The following IMPDH1 variants were observed in gnomAD, a reference collection of about 807,000 sequenced individuals.
IMPDH1 encodes the protein inosine monophosphate dehydrogenase 1, also known as inosine-5'-monophosphate dehydrogenase 1.
Under a neutral mutation model 73.5 loss-of-function variants are expected in IMPDH1, and 41 were observed. That is an observed-to-expected ratio of 0.56 (90% CI 0.43 to 0.72). The LOEUF is 0.72. Ranked by LOEUF, IMPDH1 falls within the 30% of genes least tolerant of loss-of-function variation. The pLI is 0.00. For missense variants in IMPDH1, 645 were observed against 824.8 expected (o/e 0.78, Z 2.67); for synonymous variants, 318 against 334.3 (o/e 0.95, Z 0.53).
chr7:128,407,029 C>A (rs1798821988), intron 3 of IMPDH1, among the ~76,000 whole-genome samples: 1 of 152,152 alleles, frequency 6.6e-6, no homozygotes, highest in Non-Finnish European at 1.5e-5. Context: ...GGAAGTAGAT[C>A]CCCTTCCCTC....
Position 128,396,764 on chromosome 7 carries a change from G to C in IMPDH1, c.1166-69C>G. On this transcript the variant is annotated intron_variant, in intron 11 of 16. Coordinates refer to ENST00000338791, the MANE Select transcript of IMPDH1 (RefSeq NM_000883.4). This position sits in a 1 kb window ranked among gnomAD's most constrained non-coding sequence, Gnocchi z 4.0. ...GCCCCTGCCTGCCCAACAGCCTCTT[G>C]GGACCCCAGTCTAGCACCCCCCAAC... is the stretch of plus-strand genomic sequence containing the variant. The C allele has an allele frequency of 7.2e-7, 1 of 1,387,296 alleles. No homozygotes were observed. Among genetic ancestry groups the C allele is most frequent in the Non-Finnish European group, 1.0e-6 (1 of 998,658 alleles). The allele number at this position is 1,387,296 out of a possible 1,614,324, so 85.9% of individuals were successfully genotyped here. A position where few individuals can be genotyped will look rare whatever the true frequency, so the allele number is the denominator to read the frequency against.
chr7:128,405,592 C>A (rs1798664846), intron 4 of IMPDH1, among the ~76,000 whole-genome samples, 175 bp downstream of exon 4: 1 of 152,158 alleles, frequency 6.6e-6, no homozygotes, highest in African/African-American at 2.4e-5. Context: ...TGTCGCCGTG[C>A]CACGTCCGTC....
rs1797797784 is a variant in IMPDH1, at chr7:128,394,836, G to T, written c.1550+53C>A. Reference sequence around the variant, plus strand: ...CTGGGGAAGTCGGTGGCATGAGCGGGCCCTGAAGGGTTGTGGGCTGATCTG... The same window carrying T: ...CTGGGGAAGTCGGTGGCATGAGCGGTCCCTGAAGGGTTGTGGGCTGATCTG... On this transcript the variant is annotated intron_variant, in intron 14 of 16. Coordinates refer to ENST00000338791, the MANE Select transcript of IMPDH1 (RefSeq NM_000883.4). The surrounding 1 kb of genome is among the most constrained non-coding windows in gnomAD (Gnocchi z 5.5). The T allele has an allele frequency of 4.4e-6, 7 of 1,602,328 alleles. No individual in the cohort carries two copies. The Middle Eastern group carries it at 1.1e-3, about 256-fold the overall frequency.
At position 128,398,704 on chromosome 7, in the gene IMPDH1, CCA is replaced by C. The variant is rs1491241112; in HGVS notation, c.875-93_875-92del. 2.9e-6 allele frequency: 3 copies of C among 1,035,302 alleles called. No homozygotes were observed. The highest frequency in any genetic ancestry group is 2.4e-5 in the East Asian group (1 of 41,480). The allele number at this position is 1,035,302 out of a possible 1,614,324, so 64.1% of individuals were successfully genotyped here. ...AGGGTGAAGATGAAAGTGGACCACT[CCA>C]GAGATTCCACTGAAGTACCCCAGTC... On this transcript the variant is annotated intron_variant, in intron 9 of 16. Coordinates refer to ENST00000338791, the MANE Select transcript of IMPDH1 (RefSeq NM_000883.4). This position sits in a 1 kb window ranked among gnomAD's most constrained non-coding sequence, Gnocchi z 4.3.
chr7:128,394,960 G>A lies in IMPDH1; in HGVS notation c.1479C>T (p.Leu493=), dbSNP rs1797808118. The change falls in exon 14 of 17, where the codon CTC becomes CTT. Residue 493 remains leucine (L), a synonymous_variant. Transcript: ENST00000338791. This position sits in a 1 kb window ranked among gnomAD's most constrained non-coding sequence, Gnocchi z 5.5. ...GTGAGCCCATGCCCCGGTACTTCTT[G>A]AGCCGCACCCCGTCTGAGAAGAAGT... The part of the protein sequence containing the change: ...GEYFFSDGVR[L]KKYRGMGSLD... 1.1e-5 allele frequency: 18 copies of A among 1,613,834 alleles called. No homozygotes were observed. The highest frequency in any genetic ancestry group is 2.2e-5 in the East Asian group (1 of 44,868).
intron 3 of IMPDH1, among the ~76,000 whole-genome samples, chr7:128,408,617 T>C (rs1269226610): frequency 6.6e-6 from 1 of 152,052 alleles, no homozygotes; most frequent in Non-Finnish European, 1.5e-5. Flanking sequence ...GATGCAGAAG[T>C]GCAATCTGGA....
At chr7:128,406,285 A>G (rs113040909) in intron 3 of IMPDH1, among the ~76,000 whole-genome samples, 1 of 28,688 alleles carries the variant, frequency 3.5e-5, no homozygotes, top group African/African-American at 1.4e-4. Context: ...CAGAGGCCCC[A>G]CCCCCCCACA....
chr7:128,400,923 G>T, intron 6 of IMPDH1, 32 bp from the exon 7 acceptor site: 1 of 1,608,190 alleles, frequency 6.2e-7, no homozygotes, highest in Non-Finnish European at 8.5e-7. Context: ...GTCAGAGCCG[G>T]GGCCCATTCC....
intron 6 of IMPDH1, 31 bp from the exon 7 acceptor site, chr7:128,400,922 G>A (rs375609700): frequency 3.5e-5 from 56 of 1,607,294 alleles, no homozygotes; most frequent in Admixed American, 5.0e-5. Context: ...GGTCAGAGCC[G>A]GGGCCCATTC....
chr7:128,396,789 C>T lies in IMPDH1; in HGVS notation c.1166-94G>A. 8.1e-7 allele frequency: 1 copy of T among 1,241,432 alleles called. No individual in the cohort carries two copies. The highest frequency in any genetic ancestry group is 1.2e-6 in the Non-Finnish European group (1 of 867,914). 76.9% of individuals were successfully genotyped at this position (1,241,432 alleles called of 1,614,324 possible). On this transcript the variant is annotated intron_variant, in intron 11 of 16. Coordinates refer to ENST00000338791, the MANE Select transcript of IMPDH1 (RefSeq NM_000883.4). This position sits in a 1 kb window ranked among gnomAD's most constrained non-coding sequence, Gnocchi z 4.0. Reference sequence around the variant, plus strand: ...GGGACCCCAGTCTAGCACCCCCCAACCCCCCTACAGTGACCAAAGCCCATC... The same window carrying T: ...GGGACCCCAGTCTAGCACCCCCCAATCCCCCTACAGTGACCAAAGCCCATC...
In IMPDH1 at chr7:128,398,598, A is replaced by G. The variant is rs772285063; in HGVS notation, c.890T>C (p.Val297Ala). ...GGCCACCAGCTCATCGCAATCATTGACGATAGGCAGCTTCCCTGACAAGGA... is the reference window on the plus strand; with the variant it reads ...GGCCACCAGCTCATCGCAATCATTGGCGATAGGCAGCTTCCCTGACAAGGA... ...QRSKKGKLPI[V>A]NDCDELVAII... Residue 297 changes from valine (V) to alanine (A), a missense_variant, in exon 10 of 17, where the codon GTC becomes GCC. By Grantham distance (64) the Val-to-Ala change is moderately conservative (BLOSUM62 0). Around this residue, in one of 2 missense-constraint regions of IMPDH1, gnomAD observed 459 missense variants for 638.2 expected, o/e 0.72. Transcript: ENST00000338791. The surrounding 1 kb of genome is among the most constrained non-coding windows in gnomAD (Gnocchi z 4.3). The G allele has an allele frequency of 6.2e-7, 1 of 1,612,798 alleles. No homozygotes were observed. Among genetic ancestry groups the G allele is most frequent in the Admixed American group, 1.7e-5 (1 of 59,994 alleles).
At chr7:128,395,356 T>C in intron 12 of IMPDH1, 82 bp from the exon 13 acceptor site, 1 of 1,492,152 alleles carries the variant, frequency 6.7e-7, no homozygotes, top group Non-Finnish European at 9.3e-7. Flanking sequence ...CAGCTCTTCC[T>C]CCTGTGCACT....
intron 3 of IMPDH1, among the ~76,000 whole-genome samples, chr7:128,407,600 G>T (rs1798863573): frequency 6.6e-6 from 1 of 152,190 alleles, no homozygotes; most frequent in Non-Finnish European, 1.5e-5. Context: ...GGCCACAGAA[G>T]AACAGAGCTA....
At position 128,394,773 on chromosome 7, in the gene IMPDH1, TCA is replaced by T. The variant is rs753245387; in HGVS notation, c.1550+114_1550+115del. ...GGGTCTGCTACTTAAGCCCTGTGCCTCAGTTTCCAGAACCACCATATGGGGAC... is the reference window on the plus strand; with the variant it reads ...GGGTCTGCTACTTAAGCCCTGTGCCTGTTTCCAGAACCACCATATGGGGAC... On this transcript the variant is annotated intron_variant, in intron 14 of 16. Transcript: ENST00000338791. This position sits in a 1 kb window ranked among gnomAD's most constrained non-coding sequence, Gnocchi z 5.5. 2.8e-6 allele frequency: 4 copies of T among 1,454,024 alleles called. No homozygotes were observed. The highest frequency in any genetic ancestry group is 3.8e-6 in the Non-Finnish European group (4 of 1,047,528). The allele number at this position is 1,454,024 out of a possible 1,614,324, so 90.1% of individuals were successfully genotyped here. A position where few individuals can be genotyped will look rare whatever the true frequency, so the allele number is the denominator to read the frequency against.
Position 128,398,414 on chromosome 7 carries a change from C to G in IMPDH1, c.1074G>C (p.Leu358Phe), listed in dbSNP as rs1584727593. ...LTQAGVDVIV[L>F]DSSQGNSVYQ... ...CCCACCACTCAGGCGGGGGCCTTACCAAGACTATGACGTCGACGCCCGCCT... is the reference window on the plus strand; with the variant it reads ...CCCACCACTCAGGCGGGGGCCTTACGAAGACTATGACGTCGACGCCCGCCT... Residue 358 changes from leucine (L) to phenylalanine (F), a missense_variant and splice_region_variant, in exon 10 of 17, where the codon TTG (leucine) becomes TTC (phenylalanine). Physicochemically the swap from Leu to Phe is conservative, Grantham distance 22 (BLOSUM62 0). This residue lies in a region of IMPDH1 where 459 missense variants were observed against 638.2 expected (regional missense o/e 0.72). Transcript: ENST00000338791. The surrounding 1 kb of genome is among the most constrained non-coding windows in gnomAD (Gnocchi z 4.3). 1 of 1,612,808 alleles carries G rather than the reference C, an allele frequency of 6.2e-7. No homozygotes were observed. The highest frequency in any genetic ancestry group is 8.5e-7 in the Non-Finnish European group (1 of 1,179,672).
intron 8 of IMPDH1, 57 bp from the exon 9 acceptor site, chr7:128,400,239 C>G (rs1490776890): frequency 6.2e-7 from 1 of 1,601,654 alleles, no homozygotes; most frequent in East Asian, 2.2e-5. Context: ...AGGAGCCAGG[C>G]CTCCCTCTGG....
chr7:128,401,225 G>A (rs1798314369), intron 5 of IMPDH1, 109 bp from the exon 6 acceptor site: 1 of 769,944 alleles, frequency 1.3e-6, no homozygotes, highest in Non-Finnish European at 2.3e-6. Context: ...ACATGGCAGT[G>A]AACAAGGTGG....
chr7:128,402,605 G>A (rs975055091), intron 5 of IMPDH1, among the ~76,000 whole-genome samples: 2 of 152,252 alleles, frequency 1.3e-5, no homozygotes, highest in African/African-American at 2.4e-5. Context: ...CCAGCTGGAT[G>A]TGAACTTCCC....
At position 128,395,294 on chromosome 7, in the gene IMPDH1, A is replaced by C. The variant is rs779165172; in HGVS notation, c.1262-20T>G. On this transcript the variant is annotated intron_variant, in intron 12 of 16. Transcript: ENST00000338791. ...CCATCACTGGGGGAGGGTGGGGTGC[A>C]CAAGGCAGAGAAGAGTCAACAGCAA... 6.2e-6 allele frequency: 10 copies of C among 1,612,374 alleles called. No individual in the cohort carries two copies. The highest frequency in any genetic ancestry group is 8.5e-6 in the Non-Finnish European group (10 of 1,180,026).
Sources: allele counts gnomAD v4.1 joint callset (sites outside exome capture counted in the v4.1 genomes callset), GRCh38; gene constraint gnomAD v4.1.1; regional missense constraint gnomAD v4.1.1; non-coding constraint Gnocchi (gnomAD v3.1); transcripts MANE v1.5; gene names NCBI Gene and HGNC (gene_info 2026-07-23, HGNC 2026-07-21).